The following PCM1 variants were observed in gnomAD, a reference collection of about 807,000 sequenced individuals.
The protein encoded by PCM1 is pericentriolar material 1 protein.
PCM1 carries 157 observed loss-of-function variants against 241.9 expected under a neutral mutation model. The ratio of observed to expected loss-of-function variants is 0.65; its 90% CI spans 0.57 to 0.74. PCM1 has a LOEUF of 0.74. Ranked by LOEUF, PCM1 falls within the 30% of genes least tolerant of loss-of-function variation. The pLI, the probability that PCM1 is intolerant of heterozygous loss-of-function variation, is 0.00. For synonymous variants in PCM1, 1,085 were observed against 784.9 expected (o/e 1.38, Z -6.39); for missense variants, 3,478 against 2,360.1 (o/e 1.47, Z -9.81).
chr8:17,993,678 C>A, intron 29 of PCM1, 59 bp downstream of exon 29: 1 of 1,405,726 alleles, frequency 7.1e-7, no homozygotes, highest in South Asian at 1.3e-5. Flanking sequence ...TTAATTCATA[C>A]AGAAGACCTT....
At chr8:18,010,770 C>A in intron 32 of PCM1, 102 bp downstream of exon 32, 1 of 728,936 alleles carries the variant, frequency 1.4e-6, no homozygotes, top group Admixed American at 3.0e-5. Context: ...ATCACGAGGT[C>A]AAGATTTCCA....
intron 36 of PCM1, 167 bp from the exon 37 acceptor site, chr8:18,025,194 T>C: frequency 4.2e-6 from 1 of 240,420 alleles, no homozygotes; most frequent in Non-Finnish European, 7.4e-6. Flanking sequence ...TTCACAGCTG[T>C]GATTGTAGCT....
chr8:17,998,838 T>A (rs2088001426), intron 29 of PCM1, among the ~76,000 whole-genome samples: 1 of 152,192 alleles, frequency 6.6e-6, no homozygotes, highest in East Asian at 1.9e-4. Flanking sequence ...CCTGGTATTC[T>A]GTCCTACTGT....
Position 17,937,383 on chromosome 8 carries a change from T to C in PCM1, c.342+4T>C. 1 of 1,570,220 alleles carries C rather than the reference T, an allele frequency of 6.4e-7. No homozygotes were observed. The highest frequency in any genetic ancestry group is 1.2e-5 in the South Asian group (1 of 81,458). ...AAACTTCAGTGATTTAGATCAGGTT[T>C]GTGAATTATTTTTAAAAATGAAGCT... On this transcript the variant is annotated splice_donor_region_variant and intron_variant, in intron 4 of 38. Transcript: ENST00000325083.
rs548743420 is a variant in PCM1, at chr8:18,011,505, A to C, written c.5350+139A>C. 62 of 1,054,934 alleles carry C rather than the reference A, an allele frequency of 5.9e-5. No homozygotes were observed. In the African/African-American group the frequency reaches 9.3e-4, roughly 16 times the overall value. The allele number at this position is 1,054,934 out of a possible 1,614,324, so 65.3% of individuals were successfully genotyped here. On this transcript the variant is annotated intron_variant, in intron 33 of 38. Coordinates refer to ENST00000325083, the MANE Select transcript of PCM1 (RefSeq NM_006197.4). Reference sequence around the variant, plus strand: ...TTGAATTTCACTGTGACCCTGACTAAATTATCTAGACTTTCTGCACTGTAA... The same window carrying C: ...TTGAATTTCACTGTGACCCTGACTACATTATCTAGACTTTCTGCACTGTAA...
intron 16 of PCM1, among the ~76,000 whole-genome samples, chr8:17,962,641 C>G (rs570529007): frequency 6.6e-6 from 1 of 152,126 alleles, no homozygotes; most frequent in East Asian, 1.9e-4. Context: ...TGACTCACAC[C>G]TATAATCCCA....
rs777684049 is a variant in PCM1, at chr8:17,966,097, G to T, written c.2954G>T (p.Arg985Leu). The change falls in exon 19 of 39, where the codon CGT becomes CTT. Residue 985 changes from arginine (R) to leucine (L), a missense_variant. Physicochemically the swap from Arg to Leu is moderately radical, Grantham distance 102 (BLOSUM62 -2). Coordinates refer to ENST00000325083, the MANE Select transcript of PCM1 (RefSeq NM_006197.4). ...NISMQRQENLRWVSELSYVEE... is the reference protein window; with the variant it reads ...NISMQRQENLLWVSELSYVEE... Reference sequence around the variant, plus strand: ...AGCATGCAACGGCAAGAAAACCTTCGTTGGGTGTCAGAGCTCTCTTACGTA... The same window carrying T: ...AGCATGCAACGGCAAGAAAACCTTCTTTGGGTGTCAGAGCTCTCTTACGTA... 2 of 1,613,878 alleles carry T rather than the reference G, an allele frequency of 1.2e-6. No individual in the cohort carries two copies. The highest frequency in any genetic ancestry group is 1.7e-6 in the Non-Finnish European group (2 of 1,179,792).
intron 30 of PCM1, 40 bp from the exon 31 acceptor site, chr8:18,009,507 T>G: frequency 2.3e-6 from 3 of 1,299,040 alleles, no homozygotes; most frequent in Non-Finnish European, 3.2e-6. Flanking sequence ...ATAATTGAAG[T>G]TTACTGTCTT....
At chr8:17,931,288 G>C (rs1472377263) in intron 2 of PCM1, among the ~76,000 whole-genome samples, 1 of 151,944 alleles carries the variant, frequency 6.6e-6, no homozygotes, top group Non-Finnish European at 1.5e-5. Flanking sequence ...TCTTTCTCCA[G>C]ATATATTCTT....
At chr8:18,013,291 A>G (rs74842832) in intron 34 of PCM1, among the ~76,000 whole-genome samples, 2,889 of 152,192 alleles carry the variant, frequency 0.019, 98 homozygotes, top group African/African-American at 0.067. Flanking sequence ...TGCAAAAGTA[A>G]TTGTGGTTTT....
rs148576824 is a variant in PCM1, at chr8:18,007,575, A to T, written c.4962+1178A>T. ...ATTGTGGACAGATCCCAAAGCATTA[A>T]TTTCTAAAGACTTTTTTCTCAGTCT... On this transcript the variant is annotated intron_variant, in intron 30 of 38. Transcript: ENST00000325083. Among the ~76,000 whole-genome samples, 209 of 152,344 alleles carry T rather than the reference A, an allele frequency of 1.4e-3. 1 individual carries two copies. The highest frequency in any genetic ancestry group is 4.8e-3 in the African/African-American group (200 of 41,592).
chr8:17,981,623 G>C (rs184907016), intron 24 of PCM1, among the ~76,000 whole-genome samples: 10 of 151,988 alleles, frequency 6.6e-5, no homozygotes, highest in African/African-American at 2.4e-4. Flanking sequence ...AAATGCATGC[G>C]TTTTTTGTTT....
intron 6 of PCM1, among the ~76,000 whole-genome samples, chr8:17,941,880 T>A (rs1333915933): frequency 6.6e-6 from 1 of 152,144 alleles, no homozygotes; most frequent in African/African-American, 2.4e-5. Flanking sequence ...AATGAGCACT[T>A]CTTCTGTTCA....
chr8:17,923,510 C>T (rs1308457136), intron 1 of PCM1, among the ~76,000 whole-genome samples: 4 of 152,176 alleles, frequency 2.6e-5, no homozygotes, highest in Non-Finnish European at 5.9e-5. Flanking sequence ...CGGCTATACC[C>T]CTTGCGGGCG....
chr8:18,014,913 A>G, intron 36 of PCM1, 73 bp downstream of exon 36: 2 of 1,305,724 alleles, frequency 1.5e-6, no homozygotes, highest in Non-Finnish European at 2.1e-6. Flanking sequence ...TCAGATTAGC[A>G]TTCTCCACAT....
Position 17,959,000 on chromosome 8 carries a change from G to T in PCM1, c.2041-1014G>T, listed in dbSNP as rs578184026. On this transcript the variant is annotated intron_variant, in intron 13 of 38. Transcript: ENST00000325083. Reference sequence around the variant, plus strand: ...GCTTCCCAAAGTGCTCAGATTGCAGGCACAAAAAGTACATATTACTAATAA... The same window carrying T: ...GCTTCCCAAAGTGCTCAGATTGCAGTCACAAAAAGTACATATTACTAATAA... Among the ~76,000 whole-genome samples the T allele has an allele frequency of 2.0e-5, 3 of 152,164 alleles. No individual in the cohort carries two copies. The South Asian group carries it at 6.2e-4, about 32-fold the overall frequency.
intron 29 of PCM1, among the ~76,000 whole-genome samples, chr8:17,997,437 C>G (rs1169119293): frequency 6.6e-6 from 1 of 152,052 alleles, no homozygotes; most frequent in African/African-American, 2.4e-5. Flanking sequence ...AAGCTTACTA[C>G]CTCTGTCTCT....
intron 23 of PCM1, among the ~76,000 whole-genome samples, chr8:17,972,980 A>C (rs35323361): frequency 0.11 from 15,957 of 151,796 alleles, 1,160 homozygotes; most frequent in East Asian, 0.38. Flanking sequence ...CACGTTTACT[A>C]TTTTTTTTCT....
chr8:17,990,243 AACTT>A (rs2084075401), intron 27 of PCM1, among the ~76,000 whole-genome samples: 1 of 152,110 alleles, frequency 6.6e-6, no homozygotes, highest in Non-Finnish European at 1.5e-5. Context: ...AATATAATGT[AACTT>A]ACTTGCTTGA....
Sources: allele counts gnomAD v4.1 joint callset (sites outside exome capture counted in the v4.1 genomes callset), GRCh38; gene constraint gnomAD v4.1.1; transcripts MANE v1.5; gene names NCBI Gene and HGNC (gene_info 2026-07-23, HGNC 2026-07-21).